The following INSL5 variants were observed in gnomAD, a reference collection of about 807,000 sequenced individuals.
INSL5 encodes the protein insulin-like peptide INSL5.
In INSL5, 3 loss-of-function variants were observed where a neutral mutation model predicts 4.3. The ratio of observed to expected loss-of-function variants is 0.70; its 90% CI spans 0.32 to 1.82. INSL5 has a LOEUF of 1.82. Among genes scored for constraint, INSL5 ranks in the 40% most tolerant of loss-of-function variants. The pLI, the probability that INSL5 is intolerant of heterozygous loss-of-function variation, is 0.08. For missense variants in INSL5, 168 were observed against 160.9 expected (o/e 1.04, Z -0.24); for synonymous variants, 68 against 56.6 (o/e 1.20, Z -0.90).
chr1:66,798,541 T>C (rs1307844865), intron 1 of INSL5, among the ~76,000 whole-genome samples: 1 of 152,058 alleles, frequency 6.6e-6, no homozygotes, highest in Non-Finnish European at 1.5e-5. Context: ...CTCTGCTGGA[T>C]GACCAGCAGC....
rs190286407 is a variant in INSL5 at position 66,797,756 on chromosome 1, T to C, written c.*257A>G. ...ACAGTGAGCTTGGTTTATAGCATTT[T>C]TATTGCAATTTTGCGCAGCATTTGA... On this transcript the variant is annotated 3_prime_UTR_variant, in exon 2 of 2. Transcript: ENST00000304526. 91 of 349,216 alleles carry C rather than the reference T, an allele frequency of 2.6e-4. 2 individuals are homozygous for C. The East Asian group carries it at 4.2e-3, about 16-fold the overall frequency. 21.6% of individuals were successfully genotyped at this position (349,216 alleles called of 1,614,324 possible). A position where few individuals can be genotyped will look rare whatever the true frequency, so the allele number is the denominator to read the frequency against.
At position 66,801,246 on chromosome 1, in the gene INSL5, TGATATGGTAAA is replaced by T. The variant is rs1392972871; in HGVS notation, c.-36_-26del. 2 of 1,576,966 alleles carry T rather than the reference TGATATGGTAAA, an allele frequency of 1.3e-6. No homozygotes were observed. The highest frequency in any genetic ancestry group is 1.7e-6 in the Non-Finnish European group (2 of 1,150,848). On this transcript the variant is annotated 5_prime_UTR_variant, in exon 1 of 2. Transcript: ENST00000304526. ...TTTTGCTGAGGACTGAATGTGAATC[TGATATGGTAAA>T]TATAGTCAAATCAAATTCTGGAGTG...
Position 66,801,073 on chromosome 1 carries a change from T to A in INSL5, c.149A>T (p.Gln50Leu), listed in dbSNP as rs549148. ...TTGCTGAGCTTGAGGGATCCCCTCCTGATGCCTTCTCCACCTGGAGCTAGC... is the reference window on the plus strand; with the variant it reads ...TTGCTGAGCTTGAGGGATCCCCTCCAGATGCCTTCTCCACCTGGAGCTAGC... ...ICASSRWRRH[Q>L]EGIPQAQQAE... The change falls in exon 1 of 2, where the codon CAG becomes CTG. Residue 50 changes from glutamine (Q) to leucine (L), a missense_variant. Coordinates refer to ENST00000304526, the MANE Select transcript of INSL5 (RefSeq NM_005478.6). The A allele has an allele frequency of 0.86, 1,392,689 of 1,612,486 alleles. 602,474 individuals are homozygous for A. Among genetic ancestry groups the A allele is most frequent in the East Asian group, 1 (44,777 of 44,872 alleles).
intron 1 of INSL5, among the ~76,000 whole-genome samples, chr1:66,799,365 C>T (rs1369311565): frequency 6.6e-6 from 1 of 151,966 alleles, no homozygotes; most frequent in African/African-American, 2.4e-5. Context: ...AGACAAACAC[C>T]ACATGATCTC....
At chr1:66,798,850 G>A (rs1021819381) in intron 1 of INSL5, among the ~76,000 whole-genome samples, 2 of 152,294 alleles carry the variant, frequency 1.3e-5, no homozygotes, top group African/African-American at 4.8e-5. Context: ...GATAAATAAT[G>A]TGTGGGAAAA....
chr1:66,798,775 C>A (rs1206260328), intron 1 of INSL5, among the ~76,000 whole-genome samples: 1 of 152,168 alleles, frequency 6.6e-6, no homozygotes, highest in Non-Finnish European at 1.5e-5. Context: ...AATGCCTTAG[C>A]ACACCAGCAG....
In INSL5 at chr1:66,797,973, G is replaced by T; in HGVS notation, c.*40C>A. On this transcript the variant is annotated 3_prime_UTR_variant, in exon 2 of 2. Coordinates refer to ENST00000304526, the MANE Select transcript of INSL5 (RefSeq NM_005478.6). ...GCAGTAAAACACTGTAATTAAACAT[G>T]TGATAAAGCTCTGCCACCCATTGGG... 1.5e-6 allele frequency: 2 copies of T among 1,327,678 alleles called. No individual in the cohort carries two copies. Among genetic ancestry groups the T allele is most frequent in the Non-Finnish European group, 1.1e-6 (1 of 922,424 alleles). 82.2% of individuals were successfully genotyped at this position (1,327,678 alleles called of 1,614,324 possible).
rs1054188793 is a variant in INSL5 at position 66,797,748 on chromosome 1, T to C, written c.*265A>G. 6 of 336,846 alleles carry C rather than the reference T, an allele frequency of 1.8e-5. No homozygotes were observed. Among genetic ancestry groups the C allele is most frequent in the African/African-American group, 6.3e-5 (3 of 47,492 alleles). 20.9% of individuals were successfully genotyped at this position (336,846 alleles called of 1,614,324 possible). A position where few individuals can be genotyped will look rare whatever the true frequency, so the allele number is the denominator to read the frequency against. Reference sequence around the variant, plus strand: ...AAAACAGCACAGTGAGCTTGGTTTATAGCATTTTTATTGCAATTTTGCGCA... The same window carrying C: ...AAAACAGCACAGTGAGCTTGGTTTACAGCATTTTTATTGCAATTTTGCGCA... On this transcript the variant is annotated 3_prime_UTR_variant, in exon 2 of 2. Coordinates refer to ENST00000304526, the MANE Select transcript of INSL5 (RefSeq NM_005478.6).
At position 66,797,752 on chromosome 1, in the gene INSL5, AT is replaced by A. The variant is rs555382836; in HGVS notation, c.*260del. On this transcript the variant is annotated 3_prime_UTR_variant, in exon 2 of 2. Coordinates refer to ENST00000304526, the MANE Select transcript of INSL5 (RefSeq NM_005478.6). ...CAGCACAGTGAGCTTGGTTTATAGC[AT>A]TTTTATTGCAATTTTGCGCAGCATT... The A allele has an allele frequency of 4.9e-4, 168 of 343,330 alleles. 3 individuals carry two copies. In the East Asian group the frequency reaches 8.1e-3, roughly 17 times the overall value. 21.3% of individuals were successfully genotyped at this position (343,330 alleles called of 1,614,324 possible). A position where few individuals can be genotyped will look rare whatever the true frequency, so the allele number is the denominator to read the frequency against.
chr1:66,798,184 C>T lies in INSL5; in HGVS notation c.237G>A (p.Ala79=), dbSNP rs557692288. ...AGGCATCCACCTTCGGAAGGTTTTG[C>T]GCTGGATTTTCCTCAGAAAACTCAC... ...HKREFSEENP[A]QNLPKVDASG... is the part of the protein sequence containing the mutation. The change falls in exon 2 of 2, where the codon GCG becomes GCA. Residue 79 remains alanine, a synonymous_variant. Coordinates refer to ENST00000304526, the MANE Select transcript of INSL5 (RefSeq NM_005478.6). 3.2e-5 allele frequency: 51 copies of T among 1,613,972 alleles called. No homozygotes were observed. Among genetic ancestry groups the T allele is most frequent in the East Asian group, 8.9e-5 (4 of 44,894 alleles).
chr1:66,798,979 A>G (rs1041676851), intron 1 of INSL5, among the ~76,000 whole-genome samples: 2 of 152,142 alleles, frequency 1.3e-5, no homozygotes, highest in African/African-American at 4.8e-5. Flanking sequence ...TCCCAAATGT[A>G]TTTTTATAGT....
Position 66,801,172 on chromosome 1 carries a change from A to G in INSL5, c.50T>C (p.Ile17Thr), listed in dbSNP as rs746688347. ...AGACTCCTTGCTCCGCACTTCTGAG[A>G]TGGCAAATAGGACAGAGAATAAAAA... ...TLFLFSVLFA[I>T]SEVRSKESVR... The change falls in exon 1 of 2, where the codon ATC (isoleucine) becomes ACC (threonine). Residue 17 changes from isoleucine (I) to threonine (T), a missense_variant. Physicochemically the swap from Ile to Thr is moderately conservative, Grantham distance 89. Coordinates refer to ENST00000304526, the MANE Select transcript of INSL5 (RefSeq NM_005478.6). 33 of 1,613,576 alleles carry G rather than the reference A, an allele frequency of 2.0e-5. No homozygotes were observed. In the South Asian group the frequency reaches 3.5e-4, roughly 17 times the overall value.
rs762492633 is a variant in INSL5, at chr1:66,798,179, T to C, written c.242A>G (p.Asn81Ser). 6.2e-7 allele frequency: 1 copy of C among 1,614,006 alleles called. No homozygotes were observed. Among genetic ancestry groups the C allele is most frequent in the Non-Finnish European group, 8.5e-7 (1 of 1,179,992 alleles). The change falls in exon 2 of 2, where the codon AAC becomes AGC. Residue 81 changes from asparagine (N) to serine (S), a missense_variant. Physicochemically the swap from Asn to Ser is conservative, Grantham distance 46. Coordinates refer to ENST00000304526, the MANE Select transcript of INSL5 (RefSeq NM_005478.6). ...CCCTGAGGCATCCACCTTCGGAAGG[T>C]TTTGCGCTGGATTTTCCTCAGAAAA... ...REFSEENPAQ[N>S]LPKVDASGED...
chr1:66,797,905 C>T lies in INSL5; in HGVS notation c.*108G>A. The T allele has an allele frequency of 1.2e-6, 1 of 810,230 alleles. No individual in the cohort carries two copies. The highest frequency in any genetic ancestry group is 2.0e-6 in the Non-Finnish European group (1 of 507,360). The allele number at this position is 810,230 out of a possible 1,614,324, so 50.2% of individuals were successfully genotyped here. ...TTTTAGAAAAGAAGTTTTGCCTACCCAAAAGCCATCATTTTAATAACACAA... is the reference window on the plus strand; with the variant it reads ...TTTTAGAAAAGAAGTTTTGCCTACCTAAAAGCCATCATTTTAATAACACAA... On this transcript the variant is annotated 3_prime_UTR_variant, in exon 2 of 2. Coordinates refer to ENST00000304526, the MANE Select transcript of INSL5 (RefSeq NM_005478.6).
intron 1 of INSL5, among the ~76,000 whole-genome samples, chr1:66,799,915 G>T (rs1262775200): frequency 6.6e-6 from 1 of 151,926 alleles, no homozygotes; most frequent in Non-Finnish European, 1.5e-5. Flanking sequence ...CAGATGTGGT[G>T]GCACACACCT....
In INSL5 at chr1:66,801,238, T is replaced by C. The variant is rs750665057; in HGVS notation, c.-17A>G. 7.5e-6 allele frequency: 12 copies of C among 1,597,464 alleles called. No homozygotes were observed. The South Asian group carries it at 8.9e-5, about 12-fold the overall frequency. On this transcript the variant is annotated 5_prime_UTR_variant, in exon 1 of 2. Coordinates refer to ENST00000304526, the MANE Select transcript of INSL5 (RefSeq NM_005478.6). ...GCCCTTCATTTTGCTGAGGACTGAA[T>C]GTGAATCTGATATGGTAAATATAGT...
intron 1 of INSL5, among the ~76,000 whole-genome samples, chr1:66,800,298 T>A (rs1645366292): frequency 6.6e-6 from 1 of 152,026 alleles, no homozygotes; most frequent in South Asian, 2.1e-4. Context: ...CCTTCCATAA[T>A]CCCCAAATCC....
chr1:66,798,910 T>C (rs1209837306), intron 1 of INSL5, among the ~76,000 whole-genome samples: 1 of 152,226 alleles, frequency 6.6e-6, no homozygotes, highest in Non-Finnish European at 1.5e-5. Context: ...ATTTCAGTGA[T>C]GTCCAACAGA....
intron 1 of INSL5, among the ~76,000 whole-genome samples, chr1:66,800,555 C>A (rs755291704): frequency 5.9e-5 from 9 of 151,886 alleles, no homozygotes; most frequent in Non-Finnish European, 1.0e-4. Flanking sequence ...TGCTTGCTTC[C>A]CAGGATCCTT....
Sources: gnomAD v4.1 joint callset for allele counts (sites outside exome capture counted in the v4.1 genomes callset) on GRCh38, gnomAD v4.1.1 for gene constraint, MANE v1.5 for transcripts, NCBI Gene and HGNC (gene_info 2026-07-23, HGNC 2026-07-21) for gene names.